The following ASCC2 variants were observed in gnomAD, a reference collection of about 807,000 sequenced individuals.
The protein encoded by ASCC2 is ASC-1 complex subunit P100.
ASCC2 carries 42 observed loss-of-function variants against 93.5 expected under a neutral mutation model. The ratio of observed to expected loss-of-function variants is 0.45; its 90% CI spans 0.35 to 0.58. The LOEUF (loss-of-function observed/expected upper bound fraction) is 0.58. Ranked by LOEUF, ASCC2 falls within the 20% of genes least tolerant of loss-of-function variation. The probability of loss-of-function intolerance (pLI) is 0.00; values close to 1 mark genes in which losing one functional copy is unlikely to be tolerated. For missense variants in ASCC2, 859 were observed against 977.6 expected (o/e 0.88, Z 1.62); for synonymous variants, 364 against 384.2 (o/e 0.95, Z 0.62).
chr22:29,801,521 T>G (rs1314960792), intron 14 of ASCC2, among the ~76,000 whole-genome samples: 1 of 152,230 alleles, frequency 6.6e-6, no homozygotes, highest in Non-Finnish European at 1.5e-5. Flanking sequence ...TAAACATCAC[T>G]TGCTCATGGA....
intron 7 of ASCC2, among the ~76,000 whole-genome samples, chr22:29,813,790 G>T (rs567576420): frequency 6.6e-6 from 1 of 152,108 alleles, no homozygotes; most frequent in East Asian, 1.9e-4. Context: ...TCACCGCTAG[G>T]GTTACTTCCA....
intron 6 of ASCC2, among the ~76,000 whole-genome samples, chr22:29,814,969 C>T (rs2060668642): frequency 6.6e-6 from 1 of 152,192 alleles, no homozygotes; most frequent in Non-Finnish European, 1.5e-5. Context: ...ATGATGGGAG[C>T]ATCCTTCTTA....
chr22:29,838,203 TGCCGCC>T lies in ASCC2; in HGVS notation c.-49_-44del, dbSNP rs3838960. 6.9e-4 allele frequency: 315 copies of T among 458,862 alleles called. 4 individuals carry two copies. The highest frequency in any genetic ancestry group is 3.9e-3 in the African/African-American group (194 of 49,742). 28.4% of individuals were successfully genotyped at this position (458,862 alleles called of 1,614,324 possible). Reference sequence around the variant, plus strand: ...CTCGGCGGCTCCACCACCGGCTCTGTGCCGCCGCCGCCGCCGCCGCCGCCGACCACG... The same window carrying T: ...CTCGGCGGCTCCACCACCGGCTCTGTGCCGCCGCCGCCGCCGCCGACCACG... On this transcript the variant is annotated 5_prime_UTR_variant, in exon 1 of 20. Transcript: ENST00000307790.
rs1383800628 is a variant in ASCC2 at position 29,804,661 on chromosome 22, G to A, written c.1330C>T (p.Pro444Ser). 6.2e-7 allele frequency: 1 copy of A among 1,613,966 alleles called. No individual in the cohort carries two copies. Reference sequence around the variant, plus strand: ...ACCTCCTCTTCCTCCGAGTTCTCCGGATGTGATGATGCTTGACTGACTGCC... The same window carrying A: ...ACCTCCTCTTCCTCCGAGTTCTCCGAATGTGATGATGCTTGACTGACTGCC... ...AEAVSQASSH[P>S]ENSEEEECMG... Residue 444 changes from proline to serine, a missense_variant, in exon 13 of 20, where the codon CCG (proline) becomes TCG (serine). Pro to Ser is a moderately conservative substitution (Grantham distance 74). Coordinates refer to ENST00000307790, the MANE Select transcript of ASCC2 (RefSeq NM_032204.5).
At position 29,801,100 on chromosome 22, in the gene ASCC2, G is replaced by A. The variant is rs747467412; in HGVS notation, c.1579C>T (p.Pro527Ser). 1.9e-6 allele frequency: 3 copies of A among 1,599,458 alleles called. No homozygotes were observed. Among genetic ancestry groups the A allele is most frequent in the African/African-American group, 1.3e-5 (1 of 74,742 alleles). The change falls in exon 15 of 20, where the codon CCA becomes TCA. Residue 527 changes from proline (P) to serine (S), a missense_variant. Transcript: ENST00000307790. The part of the protein sequence containing the change: ...LDRNLDREMK[P>S]DPTPLLTSRH... ...GACGTCAGCAGGGGTGTAGGGTCTGGTTTCATTTCTCTGGGTGGGGGACAC... is the reference window on the plus strand; with the variant it reads ...GACGTCAGCAGGGGTGTAGGGTCTGATTTCATTTCTCTGGGTGGGGGACAC...
At chr22:29,796,075 C>G (rs2058388832) in intron 15 of ASCC2, among the ~76,000 whole-genome samples, 1 of 151,910 alleles carries the variant, frequency 6.6e-6, no homozygotes, top group South Asian at 2.1e-4. Context: ...AGGACTGCAG[C>G]CTTCAGCATG....
Position 29,792,962 on chromosome 22 carries a change from T to C in ASCC2, c.1919+398A>G, listed in dbSNP as rs775668350. On this transcript the variant is annotated intron_variant, in intron 17 of 19. Coordinates refer to ENST00000307790, the MANE Select transcript of ASCC2 (RefSeq NM_032204.5). ...GGAGGTGAGACTAGTCTGGGCAACA[T>C]AGTGAGAACCCCACCTCCACAAAAA... Among the ~76,000 whole-genome samples, 20 of 152,118 alleles carry C rather than the reference T, an allele frequency of 1.3e-4. No homozygotes were observed. In the South Asian group the frequency reaches 1.7e-3, roughly 13 times the overall value.
In ASCC2 at chr22:29,804,782, C is replaced by T; in HGVS notation, c.1209G>A (p.Trp403Ter). ...AYILQAVESA[W>*]EGVDRRKATD... Reference sequence around the variant, plus strand: ...TGGCTTTCCGTCTGTCCACCCCTTCCCATGCACTCTCGACTGCCTGGAGGA... The same window carrying T: ...TGGCTTTCCGTCTGTCCACCCCTTCTCATGCACTCTCGACTGCCTGGAGGA... Residue 403 changes from tryptophan to a stop codon, truncating the protein, a stop_gained, in exon 13 of 20, where the codon TGG becomes TGA. Transcript: ENST00000307790. LOFTEE classifies it high-confidence loss of function. 1 of 1,614,152 alleles carries T rather than the reference C, an allele frequency of 6.2e-7. No homozygotes were observed. The highest frequency in any genetic ancestry group is 8.5e-7 in the Non-Finnish European group (1 of 1,180,028).
chr22:29,817,466 C>G (rs1159716019), intron 5 of ASCC2, among the ~76,000 whole-genome samples: 2 of 152,152 alleles, frequency 1.3e-5, no homozygotes, highest in African/African-American at 4.8e-5. Flanking sequence ...AAAACCATCC[C>G]TGTCCCCGCC....
chr22:29,823,110 C>T (rs1602158582), intron 4 of ASCC2, among the ~76,000 whole-genome samples: 2 of 152,108 alleles, frequency 1.3e-5, no homozygotes, highest in East Asian at 3.9e-4. Context: ...GCTATCTCGG[C>T]TCACTGCAAC....
intron 10 of ASCC2, 49 bp from the exon 11 acceptor site, chr22:29,806,602 T>C: frequency 6.4e-7 from 1 of 1,565,650 alleles, no homozygotes; most frequent in Non-Finnish European, 8.8e-7. Flanking sequence ...CAAGATGAGC[T>C]GCAGCTCCTT....
At chr22:29,812,571 G>A (rs1339437261) in intron 8 of ASCC2, among the ~76,000 whole-genome samples, 2 of 152,130 alleles carry the variant, frequency 1.3e-5, no homozygotes, top group African/African-American at 2.4e-5. Flanking sequence ...GGCTCCCCAC[G>A]ATCTGACTTC....
At chr22:29,806,770 A>G in intron 10 of ASCC2, 27 bp downstream of exon 10, 1 of 1,570,834 alleles carries the variant, frequency 6.4e-7, no homozygotes. Context: ...AGACTCTTCC[A>G]CCAGGAGGCA....
chr22:29,827,810 GACACAC>G (rs1333749764), intron 2 of ASCC2, among the ~76,000 whole-genome samples: 1 of 36,030 alleles, frequency 2.8e-5, no homozygotes, highest in South Asian at 6.9e-4. Flanking sequence ...TACTCATTCT[GACACAC>G]ACACACACAC....
chr22:29,790,371 A>C (rs2068850597), intron 19 of ASCC2, 98 bp downstream of exon 19: 2 of 1,172,020 alleles, frequency 1.7e-6, no homozygotes, highest in African/African-American at 1.5e-5. Flanking sequence ...ATACACGTGG[A>C]GCACTTAGGG....
intron 5 of ASCC2, among the ~76,000 whole-genome samples, chr22:29,821,186 G>A (rs1172810516): frequency 6.6e-6 from 1 of 152,104 alleles, no homozygotes; most frequent in Non-Finnish European, 1.5e-5. Flanking sequence ...TGCGTATAAA[G>A]AGGAACCTCT....
At position 29,807,413 on chromosome 22, in the gene ASCC2, T is replaced by A. The variant is rs146288983; in HGVS notation, c.909-509A>T. On this transcript the variant is annotated intron_variant, in intron 9 of 19. Transcript: ENST00000307790. ...CAGAGAAGATAGCTGCTTCCAGGGCTGCTTCTCAGTTCAAACGGTGGGTCA... is the reference window on the plus strand; with the variant it reads ...CAGAGAAGATAGCTGCTTCCAGGGCAGCTTCTCAGTTCAAACGGTGGGTCA... Among the ~76,000 whole-genome samples, 4 of 152,314 alleles carry A rather than the reference T, an allele frequency of 2.6e-5. No homozygotes were observed. The East Asian group carries it at 7.7e-4, about 29-fold the overall frequency.
chr22:29,819,914 T>C (rs249400), intron 5 of ASCC2, among the ~76,000 whole-genome samples: 119,466 of 151,914 alleles, frequency 0.79, 47,585 homozygotes, highest in African/African-American at 0.92. Flanking sequence ...GGCTGGAGTG[T>C]AGTGGTGTGA....
intron 12 of ASCC2, 88 bp from the exon 13 acceptor site, chr22:29,804,918 G>C: frequency 7.0e-7 from 1 of 1,426,666 alleles, no homozygotes; most frequent in Non-Finnish European, 9.7e-7. Context: ...CTGACCACAT[G>C]GTTCCTGCCA....
Sources: allele counts gnomAD v4.1 joint callset (sites outside exome capture counted in the v4.1 genomes callset), GRCh38; gene constraint gnomAD v4.1.1; transcripts MANE v1.5; gene names NCBI Gene and HGNC (gene_info 2026-07-23, HGNC 2026-07-21).